CDH8: variants seen among roughly 807,000 people sequenced by gnomAD.
CDH8 encodes the protein cadherin-8.
In CDH8, 17 loss-of-function variants were observed where a neutral mutation model predicts 68.1. The observed-to-expected ratio is 0.25, with a 90% CI of 0.17 to 0.37. The LOEUF (loss-of-function observed/expected upper bound fraction) is 0.37, where lower values mean the gene tolerates loss of function less well. Among genes scored for constraint, CDH8 ranks in the 10% least tolerant of loss-of-function variants. The pLI is 1.00. For missense variants in CDH8, 763 were observed against 999.3 expected (o/e 0.76, Z 3.19); for synonymous variants, 372 against 365.1 (o/e 1.02, Z -0.21).
intron 2 of CDH8, among the ~76,000 whole-genome samples, chr16:61,986,720 T>C (rs181663451): frequency 4.1e-4 from 62 of 152,286 alleles, no homozygotes; most frequent in African/African-American, 1.4e-3. Flanking sequence ...AGAATCAGAA[T>C]AGGTAATCCT....
intron 2 of CDH8, among the ~76,000 whole-genome samples, chr16:61,991,138 T>C (rs1326198485): frequency 2.0e-5 from 3 of 152,262 alleles, no homozygotes; most frequent in East Asian, 1.9e-4. Context: ...ATAAATCATA[T>C]ATGCATACCC....
At chr16:61,958,402 A>G (rs1172089396) in intron 2 of CDH8, among the ~76,000 whole-genome samples, 1 of 152,234 alleles carries the variant, frequency 6.6e-6, no homozygotes, top group Non-Finnish European at 1.5e-5. Context: ...AACTACATCA[A>G]TATAAGAAAG....
intron 7 of CDH8, among the ~76,000 whole-genome samples, chr16:61,810,673 C>T (rs1210615066): frequency 6.6e-6 from 1 of 152,064 alleles, no homozygotes; most frequent in Non-Finnish European, 1.5e-5. Flanking sequence ...CTCCATGTGA[C>T]CTTAAAGCTC....
intron 2 of CDH8, among the ~76,000 whole-genome samples, chr16:61,993,422 T>C (rs1299207720): frequency 6.6e-6 from 1 of 151,990 alleles, no homozygotes; most frequent in Non-Finnish European, 1.5e-5. Flanking sequence ...CGGGTTCAAG[T>C]GATTCTCCTG....
chr16:61,795,680 C>G (rs1187436627), intron 7 of CDH8, among the ~76,000 whole-genome samples: 1 of 152,050 alleles, frequency 6.6e-6, no homozygotes, highest in Non-Finnish European at 1.5e-5. Context: ...TAAATAAGAA[C>G]TACTAGTCAC....
At chr16:61,732,622 T>C (rs1310040139) in intron 8 of CDH8, among the ~76,000 whole-genome samples, 1 of 151,710 alleles carries the variant, frequency 6.6e-6, no homozygotes, top group African/African-American at 2.4e-5. Context: ...TCACAATAAA[T>C]GATAAATTCT....
intron 8 of CDH8, among the ~76,000 whole-genome samples, chr16:61,787,054 C>T (rs1264378287): frequency 7.0e-6 from 1 of 142,112 alleles, no homozygotes. Flanking sequence ...TCCAAAACAC[C>T]AAAAGCAATG....
At chr16:61,695,976 T>TA (rs566728712) in intron 10 of CDH8, among the ~76,000 whole-genome samples, 5 of 152,072 alleles carry the variant, frequency 3.3e-5, no homozygotes, top group South Asian at 2.1e-4. Flanking sequence ...GATCTTGATA[T>TA]AAAAAAAAGT....
chr16:61,785,454 C>G (rs536858708), intron 8 of CDH8, among the ~76,000 whole-genome samples: 13 of 58,866 alleles, frequency 2.2e-4, no homozygotes, highest in Non-Finnish European at 2.7e-4. Context: ...CGATAGTTTA[C>G]CAACCAAAAA....
chr16:61,791,535 G>A (rs1488675278), intron 7 of CDH8, among the ~76,000 whole-genome samples: 1 of 151,978 alleles, frequency 6.6e-6, no homozygotes, highest in African/African-American at 2.4e-5. Flanking sequence ...TAACTTTGCA[G>A]GCATTTCTGG....
intron 11 of CDH8, 45 bp from the exon 12 acceptor site, chr16:61,654,146 A>G (rs576992546): frequency 6.7e-5 from 105 of 1,557,752 alleles, no homozygotes; most frequent in Non-Finnish European, 6.0e-5. Flanking sequence ...CAAGCATATA[A>G]TTTCACAAGC....
chr16:61,859,904 G>A (rs1443822907), intron 3 of CDH8, among the ~76,000 whole-genome samples: 1 of 152,178 alleles, frequency 6.6e-6, no homozygotes, highest in Non-Finnish European at 1.5e-5. Flanking sequence ...CTGGAGTGCA[G>A]TGGTGTGATC....
chr16:61,776,173 A>G (rs1188108111), intron 8 of CDH8, among the ~76,000 whole-genome samples: 2 of 152,216 alleles, frequency 1.3e-5, no homozygotes, highest in Middle Eastern at 3.4e-3. Flanking sequence ...TCAAGTCCTT[A>G]CCATAAGTTA....
chr16:61,678,727 TG>T (rs1484185024), intron 10 of CDH8, among the ~76,000 whole-genome samples: 1 of 152,058 alleles, frequency 6.6e-6, no homozygotes, highest in Non-Finnish European at 1.5e-5. Flanking sequence ...CACATGTTAA[TG>T]CCTTCTAATG....
intron 8 of CDH8, among the ~76,000 whole-genome samples, chr16:61,780,370 C>G (rs1961018346): frequency 6.6e-6 from 1 of 152,172 alleles, no homozygotes; most frequent in South Asian, 2.1e-4. Flanking sequence ...CACTGAAATA[C>G]TTGGGTAATA....
rs570945026 is a variant in CDH8, at chr16:61,891,093, A to G, written c.547+10086T>C. On this transcript the variant is annotated intron_variant, in intron 3 of 11. Transcript: ENST00000577390. Reference sequence around the variant, plus strand: ...TATATATATTTTATACATATAATATATAAGGTTGAGGGTTGGACCACATAT... The same window carrying G: ...TATATATATTTTATACATATAATATGTAAGGTTGAGGGTTGGACCACATAT... Among the ~76,000 whole-genome samples the G allele has an allele frequency of 5.3e-5, 8 of 152,060 alleles. No homozygotes were observed. The South Asian group carries it at 6.2e-4, about 12-fold the overall frequency.
intron 8 of CDH8, among the ~76,000 whole-genome samples, chr16:61,772,009 T>C (rs918679009): frequency 2.6e-5 from 4 of 151,940 alleles, no homozygotes; most frequent in Admixed American, 6.6e-5. Context: ...CCAGGCTTAT[T>C]TGAGTGGGCA....
chr16:61,769,443 C>G (rs1320656543), intron 8 of CDH8, among the ~76,000 whole-genome samples: 1 of 151,670 alleles, frequency 6.6e-6, no homozygotes, highest in Non-Finnish European at 1.5e-5. Flanking sequence ...GCATAACTTC[C>G]CAATATCGTG....
chr16:61,959,046 C>T (rs1174808088), intron 2 of CDH8, among the ~76,000 whole-genome samples: 2 of 152,108 alleles, frequency 1.3e-5, no homozygotes, highest in African/African-American at 4.8e-5. Context: ...CTCATTTGGC[C>T]AACTTCTGAT....
Sources: allele counts gnomAD v4.1 joint callset (sites outside exome capture counted in the v4.1 genomes callset), GRCh38; gene constraint gnomAD v4.1.1; transcripts MANE v1.5; gene names NCBI Gene and HGNC (gene_info 2026-07-23, HGNC 2026-07-21).